Variants in MET observed in about 807,000 individuals in gnomAD.
MET encodes the protein hepatocyte growth factor receptor.
Under a neutral mutation model 133.1 loss-of-function variants are expected in MET, and 48 were observed. The ratio of observed to expected loss-of-function variants is 0.36; its 90% CI spans 0.29 to 0.46. The LOEUF (loss-of-function observed/expected upper bound fraction) is 0.46, where lower values mean the gene tolerates loss of function less well. Among genes scored for constraint, MET ranks in the 20% least tolerant of loss-of-function variants. MET has a pLI of 1.00. For synonymous variants in MET, 628 were observed against 616.5 expected, an observed-to-expected ratio of 1.02 and a Z score of -0.28; for missense variants, 1,442 against 1,695.9, an observed-to-expected ratio of 0.85 and a Z score of 2.63.
Position 116,724,871 on chromosome 7 carries a change from A to G in MET, c.1201-6797A>G, listed in dbSNP as rs139744904. On this transcript the variant is annotated intron_variant, in intron 2 of 20. Coordinates refer to ENST00000397752, the MANE Select transcript of MET (RefSeq NM_000245.4). The stretch of plus-strand genomic sequence containing the variant: ...AGGTAATGTGAACACTCAGTGCCTC[A>G]GTTTCCTTCTAGGCTTCTTGTTCTG... 67 of 1,284,436 alleles carry G rather than the reference A, an allele frequency of 5.2e-5. No individual in the cohort carries two copies. The African/African-American group carries it at 9.7e-4, about 19-fold the overall frequency. 79.6% of individuals were successfully genotyped at this position (1,284,436 alleles called of 1,614,324 possible). A position where few individuals can be genotyped will look rare whatever the true frequency, so the allele number is the denominator to read the frequency against.
intron 1 of MET, among the ~76,000 whole-genome samples, chr7:116,680,308 G>A (rs1220132786): frequency 2.0e-5 from 3 of 152,130 alleles, no homozygotes; most frequent in Non-Finnish European, 4.4e-5. Flanking sequence ...ATATATCAGT[G>A]TTTTTGTACA....
At chr7:116,793,078 T>C (rs915146258) in intron 19 of MET, among the ~76,000 whole-genome samples, 1 of 152,192 alleles carries the variant, frequency 6.6e-6, no homozygotes, top group African/African-American at 2.4e-5. Flanking sequence ...GTGAATCAGC[T>C]TCTCCTTTCT....
At chr7:116,736,363 A>C (rs1188495304) in intron 3 of MET, among the ~76,000 whole-genome samples, 2 of 152,258 alleles carry the variant, frequency 1.3e-5, no homozygotes, top group African/African-American at 4.8e-5. Flanking sequence ...CAAAAAAAAA[A>C]AAAATTAAAA....
intron 1 of MET, among the ~76,000 whole-genome samples, chr7:116,673,341 C>T (rs1217296763): frequency 6.6e-6 from 1 of 152,176 alleles, no homozygotes; most frequent in African/African-American, 2.4e-5. Context: ...TGAATAGTTG[C>T]CCAGTGTATT....
intron 3 of MET, among the ~76,000 whole-genome samples, chr7:116,735,796 T>TC (rs1324818519): frequency 4.1e-5 from 6 of 145,918 alleles, no homozygotes; most frequent in African/African-American, 7.5e-5. Context: ...TTTTTTTTTT[T>TC]CACAGTGTCT....
At chr7:116,684,280 T>G (rs1354639614) in intron 1 of MET, among the ~76,000 whole-genome samples, 1 of 152,224 alleles carries the variant, frequency 6.6e-6, no homozygotes, top group Non-Finnish European at 1.5e-5. Context: ...TTCCTTTCTT[T>G]CCATAATGCT....
chr7:116,757,519 T>C lies in MET; in HGVS notation c.1945T>C (p.Tyr649His). 1.2e-6 allele frequency: 2 copies of C among 1,613,574 alleles called. No individual in the cohort carries two copies. The highest frequency in any genetic ancestry group is 1.7e-6 in the Non-Finnish European group (2 of 1,179,602). Reference protein sequence around the residue: ...IISNGHGTTQYSTFSYVDPVI... With the variant: ...IISNGHGTTQHSTFSYVDPVI... ...TTCAAATGGCCACGGGACAACACAA[T>C]ACAGTACATTCTCCTATGTGGTAAG... Residue 649 changes from tyrosine to histidine, a missense_variant, in exon 7 of 21, where the codon TAC becomes CAC. By Grantham distance (83) the Tyr-to-His change is moderately conservative. Transcript: ENST00000397752.
intron 15 of MET, among the ~76,000 whole-genome samples, chr7:116,775,554 A>C (rs1314253250): frequency 6.6e-6 from 1 of 152,062 alleles, no homozygotes; most frequent in Non-Finnish European, 1.5e-5. Flanking sequence ...AAAAATACAA[A>C]AATTAGCCAG....
chr7:116,760,894 C>T (rs1285331586), intron 10 of MET, among the ~76,000 whole-genome samples: 3 of 152,130 alleles, frequency 2.0e-5, no homozygotes, highest in Non-Finnish European at 4.4e-5. Flanking sequence ...TAGAGTACCA[C>T]TGCTATTAAT....
chr7:116,743,734 T>C (rs1280469555), intron 5 of MET, among the ~76,000 whole-genome samples: 1 of 152,212 alleles, frequency 6.6e-6, no homozygotes, highest in African/African-American at 2.4e-5. Context: ...CTGTGCCTCC[T>C]GACTGGGAGA....
chr7:116,702,392 C>G (rs1009727787), intron 2 of MET, among the ~76,000 whole-genome samples: 47 of 152,132 alleles, frequency 3.1e-4, no homozygotes, highest in African/African-American at 1.1e-3. Flanking sequence ...TACACATATT[C>G]TCTCTCTCCA....
chr7:116,757,860 G>A (rs2116926569), intron 8 of MET, 86 bp downstream of exon 8: 2 of 1,437,622 alleles, frequency 1.4e-6, no homozygotes, highest in Non-Finnish European at 2.0e-6. Flanking sequence ...TTGTGTGTGT[G>A]TGTGGAGAAG....
rs1795674507 is a variant in MET, at chr7:116,796,260, A to G, written c.*136A>G. On this transcript the variant is annotated 3_prime_UTR_variant, in exon 21 of 21. Coordinates refer to ENST00000397752, the MANE Select transcript of MET (RefSeq NM_000245.4). ...TAGGACTTGTATTGTTATTTAAATT[A>G]CTGGATTCTAAGGAATTTCTTATCT... The G allele has an allele frequency of 1.2e-6, 1 of 831,612 alleles. No individual in the cohort carries two copies. Among genetic ancestry groups the G allele is most frequent in the African/African-American group, 1.7e-5 (1 of 59,896 alleles). The allele number at this position is 831,612 out of a possible 1,614,324, so 51.5% of individuals were successfully genotyped here.
intron 1 of MET, among the ~76,000 whole-genome samples, chr7:116,680,803 A>G (rs1796327089): frequency 6.6e-6 from 1 of 152,044 alleles, no homozygotes; most frequent in Admixed American, 6.6e-5. Flanking sequence ...GTAGCTGGAC[A>G]TGGTGGCGCA....
chr7:116,734,224 AT>A (rs66996050), intron 3 of MET, among the ~76,000 whole-genome samples: 2,696 of 152,120 alleles, frequency 0.018, 66 homozygotes, highest in African/African-American at 0.054. Context: ...TAGAATGGAC[AT>A]TTTTTTTCCC....
intron 19 of MET, among the ~76,000 whole-genome samples, chr7:116,786,152 AC>A (rs1330538771): frequency 6.6e-6 from 1 of 152,188 alleles, no homozygotes; most frequent in Non-Finnish European, 1.5e-5. Context: ...ATAGATGGCC[AC>A]CTTCTTGCTG....
chr7:116,710,774 C>T (rs999248584), intron 2 of MET, among the ~76,000 whole-genome samples: 1 of 151,816 alleles, frequency 6.6e-6, no homozygotes, highest in Non-Finnish European at 1.5e-5. Flanking sequence ...TATTTGATAT[C>T]TTATAACCCT....
intron 5 of MET, among the ~76,000 whole-genome samples, chr7:116,745,676 G>A (rs570300329): frequency 6.6e-5 from 10 of 152,308 alleles, no homozygotes; most frequent in Admixed American, 5.2e-4. Context: ...ACAAGGTATG[G>A]GGAAAGGATT....
chr7:116,755,565 G>GT (rs756536563), intron 6 of MET, 50 bp downstream of exon 6: 2 of 1,607,498 alleles, frequency 1.2e-6, no homozygotes, highest in Non-Finnish European at 1.7e-6. Flanking sequence ...AATAGGTTTT[G>GT]TTTTTGAATG....
Sources: allele counts gnomAD v4.1 joint callset (sites outside exome capture counted in the v4.1 genomes callset), GRCh38; gene constraint gnomAD v4.1.1; transcripts MANE v1.5; gene names NCBI Gene and HGNC (gene_info 2026-07-23, HGNC 2026-07-21).